Variants in MAD1L1 observed in about 807,000 individuals in gnomAD.
MAD1L1 encodes mitotic arrest deficient 1 like 1, also known as mitotic spindle assembly checkpoint protein MAD1.
MAD1L1 carries 95 observed loss-of-function variants against 96.9 expected under a neutral mutation model. The ratio of observed to expected loss-of-function variants is 0.98; its 90% confidence interval spans 0.83 to 1.16. The LOEUF (loss-of-function observed/expected upper bound fraction) is 1.16. Among genes scored for constraint, MAD1L1 ranks in the 50% most tolerant of loss-of-function variants. MAD1L1 has a pLI of 0.00. For missense variants in MAD1L1, 1,007 were observed against 954.4 expected, an observed-to-expected ratio of 1.06 and a Z score of -0.73; for synonymous variants, 473 against 396.6, an observed-to-expected ratio of 1.19 and a Z score of -2.29.
At chr7:2,161,546 G>C (rs1298365836) in intron 10 of MAD1L1, among the ~76,000 whole-genome samples, 1 of 152,130 alleles carries the variant, frequency 6.6e-6, no homozygotes, top group Non-Finnish European at 1.5e-5. Flanking sequence ...GAAGTGAGGA[G>C]CGTCTCTGAC....
chr7:2,179,977 A>G (rs921624167), intron 10 of MAD1L1, among the ~76,000 whole-genome samples: 2 of 141,762 alleles, frequency 1.4e-5, no homozygotes, highest in East Asian at 1.9e-4. Context: ...GTCTCAAAAA[A>G]AAAAAGAAAA....
intron 11 of MAD1L1, among the ~76,000 whole-genome samples, chr7:2,116,154 C>G (rs1787679280): frequency 1.3e-5 from 2 of 152,366 alleles, no homozygotes; most frequent in South Asian, 2.1e-4. Flanking sequence ...GTGTTGGCTG[C>G]TGCTCCCAGT....
chr7:1,840,686 G>A (rs1364868551), intron 18 of MAD1L1, among the ~76,000 whole-genome samples: 1 of 152,218 alleles, frequency 6.6e-6, no homozygotes. Flanking sequence ...CCAAGATCGC[G>A]CCACTGCACT....
At chr7:2,125,291 G>A (rs1409596779) in intron 11 of MAD1L1, among the ~76,000 whole-genome samples, 2 of 152,132 alleles carry the variant, frequency 1.3e-5, no homozygotes, top group African/African-American at 2.4e-5. Context: ...GGTGGGGGTG[G>A]TGCCCCTTCT....
chr7:2,026,553 C>T (rs1002248171), intron 12 of MAD1L1, among the ~76,000 whole-genome samples: 1 of 152,160 alleles, frequency 6.6e-6, no homozygotes, highest in Non-Finnish European at 1.5e-5. Flanking sequence ...GGCCATAGAG[C>T]ATTTCTTGGT....
At chr7:2,005,991 G>A (rs183765312) in intron 13 of MAD1L1, among the ~76,000 whole-genome samples, 12 of 152,194 alleles carry the variant, frequency 7.9e-5, no homozygotes, top group Admixed American at 5.9e-4. Flanking sequence ...TTCCAGGAGT[G>A]TGAAATGGAG....
At chr7:2,176,950 G>A (rs112457035) in intron 10 of MAD1L1, among the ~76,000 whole-genome samples, 2,076 of 152,318 alleles carry the variant, frequency 0.014, 27 homozygotes, top group Non-Finnish European at 0.024. Flanking sequence ...TGTGGCCAGG[G>A]TTGTGAAATC....
At chr7:1,909,437 C>A (rs544264691) in intron 17 of MAD1L1, among the ~76,000 whole-genome samples, 1 of 152,324 alleles carries the variant, frequency 6.6e-6, no homozygotes, top group South Asian at 2.1e-4. Context: ...AATATTGATG[C>A]AATTTTATTA....
chr7:1,949,326 G>T (rs562036399), intron 16 of MAD1L1, among the ~76,000 whole-genome samples: 1 of 152,216 alleles, frequency 6.6e-6, no homozygotes, highest in African/African-American at 2.4e-5. Context: ...TGCCGGGCAC[G>T]CAAGCATCGC....
intron 12 of MAD1L1, among the ~76,000 whole-genome samples, chr7:2,045,168 AC>A (rs2128513600): frequency 6.6e-6 from 1 of 151,462 alleles, no homozygotes; most frequent in South Asian, 2.1e-4. Context: ...CGGCCTCCAC[AC>A]CCCTCTCTGC....
chr7:1,913,612 C>T (rs1203649008), intron 17 of MAD1L1, among the ~76,000 whole-genome samples: 4 of 151,874 alleles, frequency 2.6e-5, no homozygotes, highest in African/African-American at 4.8e-5. Context: ...CTAGAAGTGG[C>T]GGGGAGGGGG....
chr7:1,859,029 G>A (rs1005630861), intron 18 of MAD1L1, among the ~76,000 whole-genome samples: 9 of 152,092 alleles, frequency 5.9e-5, no homozygotes, highest in Non-Finnish European at 1.3e-4. Context: ...GGGAGAGGTG[G>A]AGGGATGGAG....
intron 10 of MAD1L1, among the ~76,000 whole-genome samples, chr7:2,173,157 T>A (rs998448493): frequency 2.6e-4 from 39 of 152,178 alleles, no homozygotes; most frequent in African/African-American, 9.4e-4. Context: ...ACACTCTAAG[T>A]TATTTGAGTC....
intron 12 of MAD1L1, among the ~76,000 whole-genome samples, chr7:2,017,440 C>A (rs534984404): frequency 6.6e-6 from 1 of 152,318 alleles, no homozygotes; most frequent in East Asian, 1.9e-4. Flanking sequence ...GTCGGCATCA[C>A]CTGGAAGAAG....
intron 17 of MAD1L1, among the ~76,000 whole-genome samples, chr7:1,932,679 T>C (rs1350274891): frequency 6.6e-6 from 1 of 152,258 alleles, no homozygotes; most frequent in Admixed American, 6.5e-5. Context: ...TGCCGCACAC[T>C]GTGCGGGTCT....
At chr7:2,183,934 TA>T (rs1791329946) in intron 10 of MAD1L1, among the ~76,000 whole-genome samples, 1 of 151,252 alleles carries the variant, frequency 6.6e-6, no homozygotes, top group South Asian at 2.1e-4. Flanking sequence ...AAAATAAAAA[TA>T]AAAAACAAAG....
chr7:2,041,906 C>T (rs776317965), intron 12 of MAD1L1, among the ~76,000 whole-genome samples: 4 of 152,174 alleles, frequency 2.6e-5, no homozygotes, highest in Non-Finnish European at 5.9e-5. Context: ...CCCAGCTCCC[C>T]GCAGCACCTC....
intron 11 of MAD1L1, among the ~76,000 whole-genome samples, chr7:2,136,113 T>C (rs1289307288): frequency 6.6e-6 from 1 of 152,108 alleles, no homozygotes; most frequent in Admixed American, 6.5e-5. Flanking sequence ...TGACCAAAAA[T>C]GCCTGTCACA....
At chr7:1,982,269 G>A (rs1336622750) in intron 14 of MAD1L1, among the ~76,000 whole-genome samples, 4 of 152,102 alleles carry the variant, frequency 2.6e-5, no homozygotes, top group African/African-American at 9.7e-5. Flanking sequence ...AGGCTCGAGT[G>A]CAGTGGTGTC....
Sources: gnomAD v4.1 joint callset for allele counts (sites outside exome capture counted in the v4.1 genomes callset) on GRCh38, gnomAD v4.1.1 for gene constraint, MANE v1.5 for transcripts, NCBI Gene and HGNC (gene_info 2026-07-23, HGNC 2026-07-21) for gene names.